The following RNF213 variants were observed in gnomAD, a reference collection of about 807,000 sequenced individuals.
RNF213 encodes the protein ring finger protein 213, also known as E3 ubiquitin-protein ligase RNF213.
RNF213 carries 341 observed loss-of-function variants against 514.4 expected under a neutral mutation model. That is an observed-to-expected ratio of 0.66 (90% CI 0.61 to 0.73). The LOEUF is 0.73. RNF213 is among the 30% of genes least tolerant of loss of function. RNF213 has a pLI of 0.00. For missense variants in RNF213, 5,767 were observed against 6,615.6 expected (o/e 0.87, Z 4.45); for synonymous variants, 2,655 against 2,658.2 (o/e 1.00, Z 0.04).
At chr17:80,297,914 C>T (rs12950275) in intron 10 of RNF213, among the ~76,000 whole-genome samples, 38,839 of 152,032 alleles carry the variant, frequency 0.26, 5,266 homozygotes, top group African/African-American at 0.34. Flanking sequence ...CGCACCACCG[C>T]GCTGCCTTGA....
intron 49 of RNF213, 64 bp downstream of exon 49, chr17:80,373,229 A>ACACACTCCCCTACCCT (rs2079590118): frequency 1.5e-6 from 2 of 1,330,434 alleles, no homozygotes; most frequent in Non-Finnish European, 2.0e-6. Context: ...CCCCAAACCC[A>ACACACTCCCCTACCCT]CACACCCCCC....
intron 1 of RNF213, among the ~76,000 whole-genome samples, chr17:80,262,994 C>T (rs920961121): frequency 2.6e-5 from 4 of 152,218 alleles, no homozygotes; most frequent in Non-Finnish European, 4.4e-5. Context: ...AGAGTCAGGT[C>T]CTCCACTGTT....
At position 80,340,211 on chromosome 17, in the gene RNF213, C is replaced by T. The variant is rs12450267; in HGVS notation, c.5844C>T (p.Val1948=). The change falls in exon 26 of 68, where the codon GTC becomes GTT. Residue 1948 remains valine (V), a synonymous_variant. Coordinates refer to ENST00000582970, the MANE Select transcript of RNF213 (RefSeq NM_001256071.3). ...CCTCTGCCTTCAGCCAGCACAAGGT[C>T]TTCGTCACCCCCCAGGCACCCCTCG... The part of the protein sequence containing the change: ...YLPSAFSQHK[V]FVTPQAPLEA... 6.8e-6 allele frequency: 11 copies of T among 1,614,194 alleles called. No individual in the cohort carries two copies. The highest frequency in any genetic ancestry group is 9.3e-6 in the Non-Finnish European group (11 of 1,180,026).
At chr17:80,322,794 G>GAT (rs2046182120) in intron 17 of RNF213, among the ~76,000 whole-genome samples, 1 of 152,094 alleles carries the variant, frequency 6.6e-6, no homozygotes, top group Non-Finnish European at 1.5e-5. Flanking sequence ...TCACTTGTCA[G>GAT]ATATATGATT....
At chr17:80,340,409 C>A in intron 26 of RNF213, 53 bp downstream of exon 26, 1 of 1,499,082 alleles carries the variant, frequency 6.7e-7, no homozygotes, top group Non-Finnish European at 9.1e-7. Flanking sequence ...CTGCCCGGGG[C>A]CCTTCCCCCC....
rs540788895 is a variant in RNF213, at chr17:80,363,761, C to A, written c.11721C>A (p.Ser3907Arg). ...CSDEHMQGSGSLAQAVIREVR... is the reference protein window; with the variant it reads ...CSDEHMQGSGRLAQAVIREVR... ...ATGAGCACATGCAAGGCAGCGGGAGCCTGGCCCAGGCTGTCATCAGGGAAG... is the reference window on the plus strand; with the variant it reads ...ATGAGCACATGCAAGGCAGCGGGAGACTGGCCCAGGCTGTCATCAGGGAAG... Residue 3907 changes from serine to arginine, a missense_variant, in exon 41 of 68, where the codon AGC becomes AGA. Ser to Arg is a moderately radical substitution (Grantham distance 110, BLOSUM62 -1). Around this residue, in one of 13 missense-constraint regions of RNF213, gnomAD observed 355 missense variants for 358.0 expected, o/e 0.99. Coordinates refer to ENST00000582970, the MANE Select transcript of RNF213 (RefSeq NM_001256071.3). 1 of 1,613,652 alleles carries A rather than the reference C, an allele frequency of 6.2e-7. No individual in the cohort carries two copies. The highest frequency in any genetic ancestry group is 1.7e-5 in the Admixed American group (1 of 60,016).
intron 29 of RNF213, among the ~76,000 whole-genome samples, chr17:80,348,488 C>T (rs1011829734): frequency 6.6e-6 from 1 of 152,226 alleles, no homozygotes; most frequent in Non-Finnish European, 1.5e-5. Flanking sequence ...TGCAGTGCAC[C>T]ATGCTGGTAA....
rs2078350803 is a variant in RNF213 at position 80,347,462 on chromosome 17, C to T, written c.9127C>T (p.Leu3043Phe). ...GGAAGATGCTGAGTCCCGCTACTTACTCGTGCTGACCAAAAACTACGTGGC... is the reference window on the plus strand; with the variant it reads ...GGAAGATGCTGAGTCCCGCTACTTATTCGTGCTGACCAAAAACTACGTGGC... ...EQEDAESRYL[L>F]VLTKNYVALQ... The change falls in exon 29 of 68, where the codon CTC (leucine) becomes TTC (phenylalanine). Residue 3043 changes from leucine to phenylalanine, a missense_variant. Physicochemically the swap from Leu to Phe is conservative, Grantham distance 22. Around this residue, in one of 13 missense-constraint regions of RNF213, gnomAD observed 919 missense variants for 1,121.0 expected, o/e 0.82. Transcript: ENST00000582970. This position sits in a 1 kb window ranked among gnomAD's most constrained non-coding sequence, Gnocchi z 7.2. 3 of 1,613,966 alleles carry T rather than the reference C, an allele frequency of 1.9e-6. No individual in the cohort carries two copies. The highest frequency in any genetic ancestry group is 1.7e-5 in the Admixed American group (1 of 60,000).
Position 80,298,330 on chromosome 17 carries a change from G to A in RNF213, c.2022G>A (p.Leu674=). ...HILGIPQSWR[L]YLVNLCQRCM... The stretch of plus-strand genomic sequence containing the variant: ...CTTTATTCCCTTCCAGCTGGCGGCT[G>A]TACCTGGTGAACCTGTGCCAAAGAT... Residue 674 remains leucine (L), a synonymous_variant, in exon 11 of 68, where the codon CTG becomes CTA. Transcript: ENST00000582970. 1 of 1,614,166 alleles carries A rather than the reference G, an allele frequency of 6.2e-7. No homozygotes were observed. The highest frequency in any genetic ancestry group is 8.5e-7 in the Non-Finnish European group (1 of 1,180,030).
intron 11 of RNF213, 50 bp from the exon 12 acceptor site, chr17:80,306,200 CCT>C: frequency 6.5e-7 from 1 of 1,548,870 alleles, no homozygotes; most frequent in African/African-American, 1.4e-5. Flanking sequence ...CTCCATTTTC[CCT>C]CACTGATCTC....
intron 59 of RNF213, 52 bp downstream of exon 59, chr17:80,383,980 G>A (rs776445462): frequency 8.7e-6 from 14 of 1,612,538 alleles, no homozygotes; most frequent in Non-Finnish European, 1.1e-5. Context: ...GAGTTCCCCA[G>A]CAGGCCTGAA....
Position 80,369,142 on chromosome 17 carries a change from T to C in RNF213, c.12156-360T>C, listed in dbSNP as rs561162038. On this transcript the variant is annotated intron_variant, in intron 44 of 67. Coordinates refer to ENST00000582970, the MANE Select transcript of RNF213 (RefSeq NM_001256071.3). ...AGCCAGGCATGGTGGCTCACGCCTG[T>C]AATCCCAGCACTCTGGGAGGCCGAG... Among the ~76,000 whole-genome samples the C allele has an allele frequency of 2.6e-5, 4 of 152,318 alleles. No homozygotes were observed. The South Asian group carries it at 8.3e-4, about 32-fold the overall frequency.
chr17:80,360,866 C>G (rs2079029694), intron 38 of RNF213, among the ~76,000 whole-genome samples: 1 of 152,192 alleles, frequency 6.6e-6, no homozygotes, highest in East Asian at 1.9e-4. Context: ...TCTAGGTTAC[C>G]ATTCTGCCAC....
rs184593439 is a variant in RNF213 at position 80,374,441 on chromosome 17, T to A, written c.12943-17T>A. ...ATTCCTCCCATTGTTCACCCCCAAC[T>A]AACCTCTGTATTCCAGGGGCTGCGG... On this transcript the variant is annotated splice_polypyrimidine_tract_variant and intron_variant, in intron 49 of 67. Transcript: ENST00000582970. The A allele has an allele frequency of 5.6e-4, 899 of 1,614,026 alleles. 15 individuals carry two copies. In the East Asian group the frequency reaches 0.011, roughly 20 times the overall value.
rs8078100 is a variant in RNF213, at chr17:80,360,257, G to T, written c.11200+51G>T. On this transcript the variant is annotated intron_variant, in intron 38 of 67. Coordinates refer to ENST00000582970, the MANE Select transcript of RNF213 (RefSeq NM_001256071.3). ...ATTCAGCACAGGTGAATCACAAAGG[G>T]ATTGCCTGACAGTGAAAAGCAGATG... The T allele has an allele frequency of 9.3e-3, 14,686 of 1,582,836 alleles. 1,174 individuals carry two copies. In the African/African-American group the frequency reaches 0.18, roughly 19 times the overall value.
chr17:80,344,103 C>T, intron 28 of RNF213, 88 bp downstream of exon 28: 1 of 1,407,490 alleles, frequency 7.1e-7, no homozygotes, highest in South Asian at 1.3e-5. Flanking sequence ...GTTTAGGAGA[C>T]TCCACATCTT....
At chr17:80,325,395 A>C (rs2046253247) in intron 18 of RNF213, among the ~76,000 whole-genome samples, 197 bp downstream of exon 18, 1 of 152,158 alleles carries the variant, frequency 6.6e-6, no homozygotes, top group Middle Eastern at 3.2e-3. Flanking sequence ...TAATGCTAAC[A>C]GCCACTATTC....
chr17:80,281,830 A>G (rs2044313601), intron 3 of RNF213, among the ~76,000 whole-genome samples: 1 of 152,110 alleles, frequency 6.6e-6, no homozygotes, highest in South Asian at 2.1e-4. Flanking sequence ...TACATAACCC[A>G]CAGCATCCGC....
rs114649707 is a variant in RNF213 at position 80,388,700 on chromosome 17, T to C, written c.15000+11T>C. ...AACAAAATGGCACAGGTGATCCCGA[T>C]AAACCTGATCCTGTGCACGGGGCTT... On this transcript the variant is annotated intron_variant, in intron 64 of 67. Coordinates refer to ENST00000582970, the MANE Select transcript of RNF213 (RefSeq NM_001256071.3). 136 of 1,589,750 alleles carry C rather than the reference T, an allele frequency of 8.6e-5. No individual in the cohort carries two copies. The African/African-American group carries it at 1.7e-3, about 20-fold the overall frequency.
Sources: allele counts gnomAD v4.1 joint callset (sites outside exome capture counted in the v4.1 genomes callset), GRCh38; gene constraint gnomAD v4.1.1; regional missense constraint gnomAD v4.1.1; non-coding constraint Gnocchi (gnomAD v3.1); transcripts MANE v1.5; gene names NCBI Gene and HGNC (gene_info 2026-07-23, HGNC 2026-07-21).